GOLM1: variants seen among roughly 807,000 people sequenced by gnomAD.
The protein encoded by GOLM1 is epididymis luminal protein 46.
Under a neutral mutation model 50.5 loss-of-function variants are expected in GOLM1, and 31 were observed. That is an observed-to-expected ratio of 0.61 (90% CI 0.46 to 0.83). The LOEUF (loss-of-function observed/expected upper bound fraction) is 0.83. Ranked by LOEUF, GOLM1 falls within the 40% of genes least tolerant of loss-of-function variation. The pLI is 0.00. For missense variants in GOLM1, 491 were observed against 501.3 expected, an observed-to-expected ratio of 0.98 and a Z score of 0.20; for synonymous variants, 178 against 192.8, an observed-to-expected ratio of 0.92 and a Z score of 0.64.
intron 5 of GOLM1, among the ~76,000 whole-genome samples, chr9:86,045,675 A>G (rs575083195): frequency 1.0e-3 from 121 of 115,692 alleles, no homozygotes; most frequent in African/African-American, 6.5e-3. Context: ...TCCGCTCAAG[A>G]AAAAAAAAAA....
At chr9:86,097,793 T>C (rs756420871) in intron 1 of GOLM1, among the ~76,000 whole-genome samples, 8 of 152,160 alleles carry the variant, frequency 5.3e-5, no homozygotes, top group African/African-American at 1.9e-4. Context: ...CCCTCCTTCC[T>C]GGGGAAGGTG....
intron 1 of GOLM1, among the ~76,000 whole-genome samples, chr9:86,092,969 C>T (rs1285086811): frequency 6.6e-6 from 1 of 152,178 alleles, no homozygotes; most frequent in Non-Finnish European, 1.5e-5. Context: ...ATGTTTGTCT[C>T]ATACTTGGTT....
intron 3 of GOLM1, among the ~76,000 whole-genome samples, chr9:86,067,171 G>A (rs1033416748): frequency 3.9e-5 from 6 of 152,072 alleles, no homozygotes; most frequent in African/African-American, 1.2e-4. Flanking sequence ...GTGATCCACC[G>A]GCCTTGGCCT....
At chr9:86,066,123 T>C (rs867728900) in intron 3 of GOLM1, among the ~76,000 whole-genome samples, 36 of 152,318 alleles carry the variant, frequency 2.4e-4, no homozygotes, top group Admixed American at 5.9e-4. Flanking sequence ...TTAATTATTT[T>C]ATTTTGAAGA....
In GOLM1 at chr9:86,026,506, CTG is replaced by C. The variant is rs1180799323; in HGVS notation, c.*1309_*1310del. 4 of 887,328 alleles carry C rather than the reference CTG, an allele frequency of 4.5e-6. No individual in the cohort carries two copies. The highest frequency in any genetic ancestry group is 3.6e-5 in the African/African-American group (2 of 55,392). The allele number at this position is 887,328 out of a possible 1,614,324, so 55.0% of individuals were successfully genotyped here. Reference sequence around the variant, plus strand: ...GGTGCCAGCGCACCAGCTAGATGCTCTGTAACTTCTAGGCCCCATTTTCCCCT... The same window carrying C: ...GGTGCCAGCGCACCAGCTAGATGCTCTAACTTCTAGGCCCCATTTTCCCCT... On this transcript the variant is annotated 3_prime_UTR_variant, in exon 10 of 10. Coordinates refer to ENST00000388712, the MANE Select transcript of GOLM1 (RefSeq NM_016548.4).
chr9:86,091,144 A>G (rs1835172339), intron 1 of GOLM1, among the ~76,000 whole-genome samples: 1 of 152,092 alleles, frequency 6.6e-6, no homozygotes, highest in Non-Finnish European at 1.5e-5. Context: ...AAATGCAGAA[A>G]TCACCTGTCT....
chr9:86,087,643 A>G (rs1473614647), intron 1 of GOLM1, among the ~76,000 whole-genome samples: 2 of 152,190 alleles, frequency 1.3e-5, no homozygotes, highest in East Asian at 1.9e-4. Flanking sequence ...GAGAGTTTTT[A>G]GCATGAAGAG....
At chr9:86,033,199 G>A (rs1221682620) in intron 9 of GOLM1, 83 bp downstream of exon 9, 1 of 767,206 alleles carries the variant, frequency 1.3e-6, no homozygotes, top group African/African-American at 1.7e-5. Context: ...TATAATTTTG[G>A]GGATTCATTG....
At position 86,035,874 on chromosome 9, in the gene GOLM1, AAAACAAAAC is replaced by A. The variant is rs1178234813; in HGVS notation, c.758-258_758-250del. ...AGGGAAAAGTAGCTTACCAAAAAAA[AAAACAAAAC>A]AAAAAAAAAAAAACACCTGGACTAA... On this transcript the variant is annotated intron_variant, in intron 7 of 9. Transcript: ENST00000388712. Among the ~76,000 whole-genome samples the A allele has an allele frequency of 8.6e-5, 11 of 128,596 alleles. 1 individual carries two copies. The highest frequency in any genetic ancestry group is 8.1e-4 in the East Asian group (4 of 4,916). The allele number at this position is 128,596 out of a possible 152,430, so 84.4% of individuals were successfully genotyped here.
At chr9:86,087,858 T>C (rs1418479402) in intron 1 of GOLM1, among the ~76,000 whole-genome samples, 1 of 152,220 alleles carries the variant, frequency 6.6e-6, no homozygotes, top group East Asian at 1.9e-4. Context: ...TTATTGAGGA[T>C]TTCCCCATCG....
chr9:86,043,313 G>A (rs1439921939), intron 5 of GOLM1, among the ~76,000 whole-genome samples: 1 of 152,176 alleles, frequency 6.6e-6, no homozygotes, highest in Non-Finnish European at 1.5e-5. Context: ...GATGTGTGCT[G>A]ACTGATTCAA....
chr9:86,086,883 G>A (rs1437410285), intron 1 of GOLM1, among the ~76,000 whole-genome samples: 1 of 152,212 alleles, frequency 6.6e-6, no homozygotes, highest in Non-Finnish European at 1.5e-5. Context: ...AAGTCAGGCA[G>A]CATGATGCCT....
At chr9:86,044,808 C>G (rs1299798528) in intron 5 of GOLM1, among the ~76,000 whole-genome samples, 1 of 151,918 alleles carries the variant, frequency 6.6e-6, no homozygotes, top group African/African-American at 2.4e-5. Flanking sequence ...AAAAATTAAC[C>G]AGGTGTGGTG....
rs535796799 is a variant in GOLM1, at chr9:86,058,979, T to C, written c.310-6388A>G. Reference sequence around the variant, plus strand: ...AGCCATTGCATTCCAGCCTGGGTGATAGAGTGAGACTCTGTCTCAAAAAAA... The same window carrying C: ...AGCCATTGCATTCCAGCCTGGGTGACAGAGTGAGACTCTGTCTCAAAAAAA... On this transcript the variant is annotated intron_variant, in intron 3 of 9. Coordinates refer to ENST00000388712, the MANE Select transcript of GOLM1 (RefSeq NM_016548.4). Among the ~76,000 whole-genome samples, 52 of 151,996 alleles carry C rather than the reference T, an allele frequency of 3.4e-4. No homozygotes were observed. In the South Asian group the frequency reaches 4.8e-3, roughly 14 times the overall value.
chr9:86,041,169 G>A (rs1304222343), intron 5 of GOLM1, among the ~76,000 whole-genome samples: 2 of 152,120 alleles, frequency 1.3e-5, no homozygotes, highest in East Asian at 3.9e-4. Flanking sequence ...CTTTGTCCCT[G>A]GCTACTGGCA....
intron 1 of GOLM1, among the ~76,000 whole-genome samples, chr9:86,096,585 G>A (rs79710791): frequency 0.014 from 2,071 of 152,292 alleles, 48 homozygotes; most frequent in African/African-American, 0.046. Context: ...AAATACCGTG[G>A]CTGGCAAAGC....
Position 86,033,355 on chromosome 9 carries a change from G to A in GOLM1, c.1056C>T (p.Asn352=). The A allele has an allele frequency of 6.2e-7, 1 of 1,613,092 alleles. No individual in the cohort carries two copies. Among genetic ancestry groups the A allele is most frequent in the Non-Finnish European group, 8.5e-7 (1 of 1,179,056 alleles). ...CAGATTCTGCTTCATTTTCATCCAT[G>A]TTGTAGTCATCTTCTCCTCTCAGTT... is the stretch of plus-strand genomic sequence containing the variant. ...QQKLRGEDDY[N]MDENEAESET... is the part of the protein sequence containing the mutation. The change falls in exon 9 of 10, where the codon AAC becomes AAT. Residue 352 remains asparagine, a synonymous_variant. Transcript: ENST00000388712.
intron 3 of GOLM1, among the ~76,000 whole-genome samples, chr9:86,073,140 A>G (rs1834499094): frequency 6.6e-6 from 1 of 152,220 alleles, no homozygotes; most frequent in South Asian, 2.1e-4. Context: ...TTTTATTTTT[A>G]AAAGTGTAAT....
At chr9:86,087,478 C>T (rs11141220) in intron 1 of GOLM1, among the ~76,000 whole-genome samples, 36,739 of 152,072 alleles carry the variant, frequency 0.24, 7,540 homozygotes, top group African/African-American at 0.54. Flanking sequence ...AAATACCATG[C>T]TGAATAGGAG....
Sources: allele counts gnomAD v4.1 joint callset (sites outside exome capture counted in the v4.1 genomes callset), GRCh38; gene constraint gnomAD v4.1.1; transcripts MANE v1.5; gene names NCBI Gene and HGNC (gene_info 2026-07-23, HGNC 2026-07-21).